The following DGKH variants were observed in gnomAD, a reference collection of about 807,000 sequenced individuals.
DGKH encodes the protein diacylglycerol kinase eta, also known as DAG kinase eta.
A neutral mutation model predicts 159.3 loss-of-function variants in DGKH; 90 were observed. The ratio of observed to expected loss-of-function variants is 0.57; its 90% CI spans 0.48 to 0.67. The LOEUF (loss-of-function observed/expected upper bound fraction) is 0.67, where lower values mean the gene tolerates loss of function less well. Ranked by LOEUF, DGKH falls within the 30% of genes least tolerant of loss-of-function variation. The pLI is 0.00. For missense variants in DGKH, 1,181 were observed against 1,506.1 expected, an observed-to-expected ratio of 0.78 and a Z score of 3.57; for synonymous variants, 536 against 553.8, an observed-to-expected ratio of 0.97 and a Z score of 0.45.
chr13:42,087,269 A>G (rs1954326913), intron 1 of DGKH, among the ~76,000 whole-genome samples: 1 of 152,216 alleles, frequency 6.6e-6, no homozygotes, highest in South Asian at 2.1e-4. Flanking sequence ...ACATGCCATA[A>G]CAGAACTTAA....
Position 42,235,860 on chromosome 13 carries a change from C to T in DGKH, c.*6672C>T, listed in dbSNP as rs533929776. 1 of 152,082 alleles carries T rather than the reference C, an allele frequency of 6.6e-6. No individual in the cohort carries two copies. Among genetic ancestry groups the T allele is most frequent in the Admixed American group, 6.5e-5 (1 of 15,270 alleles). 9.4% of individuals were successfully genotyped at this position (152,082 alleles called of 1,614,324 possible). A position where few individuals can be genotyped will look rare whatever the true frequency, so the allele number is the denominator to read the frequency against. Reference sequence around the variant, plus strand: ...TCTTCCTCTTAAGTGAGATAAATCTCACTTTTATGTTAAAATGTCTATTTA... The same window carrying T: ...TCTTCCTCTTAAGTGAGATAAATCTTACTTTTATGTTAAAATGTCTATTTA... On this transcript the variant is annotated 3_prime_UTR_variant, in exon 30 of 30. Coordinates refer to ENST00000337343, the MANE Select transcript of DGKH (RefSeq NM_178009.5).
At chr13:42,065,228 C>T (rs1167582562) in intron 1 of DGKH, among the ~76,000 whole-genome samples, 2 of 152,116 alleles carry the variant, frequency 1.3e-5, no homozygotes, top group African/African-American at 4.8e-5. Flanking sequence ...AGCCAGAAAC[C>T]AGAACTGTTT....
chr13:42,212,274 C>G (rs980628666), intron 24 of DGKH, among the ~76,000 whole-genome samples: 1 of 152,264 alleles, frequency 6.6e-6, no homozygotes, highest in Admixed American at 6.5e-5. Flanking sequence ...GCATACACCC[C>G]CTACTGCTGG....
chr13:42,220,258 C>T (rs1412457634), intron 28 of DGKH, among the ~76,000 whole-genome samples: 1 of 152,152 alleles, frequency 6.6e-6, no homozygotes, highest in Non-Finnish European at 1.5e-5. Flanking sequence ...ATTACATTTT[C>T]CACCTAAAGT....
chr13:42,205,745 C>A (rs770097037), intron 20 of DGKH, among the ~76,000 whole-genome samples: 4 of 152,042 alleles, frequency 2.6e-5, no homozygotes, highest in African/African-American at 4.8e-5. Flanking sequence ...GGTGAAAGTA[C>A]ATAAAAGGCC....
chr13:42,253,462 A>T (rs1030421864), intron 30 of DGKH, among the ~76,000 whole-genome samples: 1 of 152,220 alleles, frequency 6.6e-6, no homozygotes, highest in African/African-American at 2.4e-5. Context: ...TATGAAAGAA[A>T]TGTTTATTTA....
At position 42,238,714 on chromosome 13, in the gene DGKH, A is replaced by T. The variant is rs2138317703; in HGVS notation, c.*9526A>T. 6.6e-6 allele frequency: 1 copy of T among 152,202 alleles called. No homozygotes were observed. Among genetic ancestry groups the T allele is most frequent in the Middle Eastern group, 3.4e-3 (1 of 294 alleles). The allele number at this position is 152,202 out of a possible 1,614,324, so 9.4% of individuals were successfully genotyped here. A position where few individuals can be genotyped will look rare whatever the true frequency, so the allele number is the denominator to read the frequency against. ...TTCCCATAAAGAAACTAAACTAGAG[A>T]TTGTCTTTATTAATTAATGGAACTC... On this transcript the variant is annotated 3_prime_UTR_variant, in exon 30 of 30. Transcript: ENST00000337343.
At chr13:42,168,624 A>G in intron 10 of DGKH, 55 bp from the exon 11 acceptor site, 1 of 1,613,438 alleles carries the variant, frequency 6.2e-7, no homozygotes, top group Middle Eastern at 1.6e-4. Flanking sequence ...GCAGAAATGC[A>G]GTAGTCCCTA....
chr13:42,197,813 T>C (rs957581127), intron 17 of DGKH, among the ~76,000 whole-genome samples: 1 of 152,228 alleles, frequency 6.6e-6, no homozygotes, highest in African/African-American at 2.4e-5. Context: ...CAGTCTTTAG[T>C]GCTTCTAGCT....
intron 5 of DGKH, among the ~76,000 whole-genome samples, chr13:42,158,647 T>G (rs971352989): frequency 6.6e-6 from 1 of 152,156 alleles, no homozygotes; most frequent in Non-Finnish European, 1.5e-5. Context: ...CTTTCTACAT[T>G]TGTCATTTGG....
chr13:42,210,866 G>T, intron 24 of DGKH, 101 bp downstream of exon 24: 1 of 1,035,740 alleles, frequency 9.7e-7, no homozygotes, highest in African/African-American at 1.6e-5. Context: ...GTATCAAAAA[G>T]AGATGCAATT....
intron 1 of DGKH, among the ~76,000 whole-genome samples, chr13:42,088,517 G>C (rs1025081478): frequency 6.6e-6 from 1 of 152,054 alleles, no homozygotes; most frequent in Non-Finnish European, 1.5e-5. Context: ...CATTGTAAGA[G>C]TCTCATACTG....
chr13:42,104,927 C>CA lies in DGKH; in HGVS notation c.193-22528dup. ...TATTACTTTTTTGTAATAGACATTA[C>CA]AAAAAAAAGTTCCAAAATGCTTTTT... On this transcript the variant is annotated intron_variant, in intron 1 of 29. Transcript: ENST00000337343. Among the ~76,000 whole-genome samples the CA allele has an allele frequency of 4.0e-5, 6 of 151,660 alleles. 2 individuals are homozygous for CA. The South Asian group carries it at 1.2e-3, about 32-fold the overall frequency.
At position 42,235,223 on chromosome 13, in the gene DGKH, G is replaced by T. The variant is rs1958389502; in HGVS notation, c.*6035G>T. 1 of 152,064 alleles carries T rather than the reference G, an allele frequency of 6.6e-6. No homozygotes were observed. The highest frequency in any genetic ancestry group is 1.5e-5 in the Non-Finnish European group (1 of 67,990). The allele number at this position is 152,064 out of a possible 1,614,324, so 9.4% of individuals were successfully genotyped here. A position where few individuals can be genotyped will look rare whatever the true frequency, so the allele number is the denominator to read the frequency against. On this transcript the variant is annotated 3_prime_UTR_variant, in exon 30 of 30. Coordinates refer to ENST00000337343, the MANE Select transcript of DGKH (RefSeq NM_178009.5). ...AGATTAATTCCCTCCATGTAACTAA[G>T]ATACTCTATTTACATTATTTATATA...
At chr13:42,070,575 A>T in intron 1 of DGKH, 2 of 1,573,108 alleles carry the variant, frequency 1.3e-6, no homozygotes, top group Non-Finnish European at 1.7e-6. Context: ...TCCGTGCAAG[A>T]CCAAAGTCGC....
At chr13:42,045,707 T>C (rs1260180147), upstream of DGKH, among the ~76,000 whole-genome samples, 3 of 152,232 alleles carry the variant, frequency 2.0e-5, no homozygotes, top group African/African-American at 7.2e-5. Context: ...GCATGGTTCC[T>C]TATTGATTAG....
At chr13:42,155,142 C>A in intron 3 of DGKH, 149 bp from the exon 4 acceptor site, 1 of 641,398 alleles carries the variant, frequency 1.6e-6, no homozygotes, top group Non-Finnish European at 2.6e-6. Flanking sequence ...TTTTTCTTTC[C>A]TAGACCACAT....
chr13:42,182,276 C>T (rs903274646), intron 13 of DGKH, among the ~76,000 whole-genome samples: 4 of 152,212 alleles, frequency 2.6e-5, no homozygotes, highest in African/African-American at 9.6e-5. Context: ...AATTACTTCC[C>T]ACTGTACCCA....
chr13:42,253,131 C>G (rs553013353), intron 30 of DGKH, among the ~76,000 whole-genome samples: 4 of 152,170 alleles, frequency 2.6e-5, no homozygotes, highest in Non-Finnish European at 5.9e-5. Flanking sequence ...ATTTCTGGTT[C>G]ACCTTTATGC....
Sources: allele counts gnomAD v4.1 joint callset (sites outside exome capture counted in the v4.1 genomes callset), GRCh38; gene constraint gnomAD v4.1.1; transcripts MANE v1.5; gene names NCBI Gene and HGNC (gene_info 2026-07-23, HGNC 2026-07-21).